Variants in FRG1 observed in about 807,000 individuals in gnomAD.
The protein encoded by FRG1 is protein FRG1.
Under a neutral mutation model 37.0 loss-of-function variants are expected in FRG1, and 19 were observed. The ratio of observed to expected loss-of-function variants is 0.51; its 90% CI spans 0.36 to 0.75. The LOEUF is 0.75. Ranked by LOEUF, FRG1 falls within the 30% of genes least tolerant of loss-of-function variation. FRG1 has a pLI of 0.00. For synonymous variants in FRG1, 73 were observed against 96.5 expected, an observed-to-expected ratio of 0.76 and a Z score of 1.43; for missense variants, 243 against 301.4, an observed-to-expected ratio of 0.81 and a Z score of 1.44.
intron 6 of FRG1, among the ~76,000 whole-genome samples, chr4:189,958,739 T>C (rs1159365049): frequency 6.6e-6 from 1 of 152,020 alleles, no homozygotes; most frequent in Non-Finnish European, 1.5e-5. Context: ...CCTAGATAAA[T>C]CAAGTAGTTA....
chr4:189,944,191 T>C (rs1254440443), intron 2 of FRG1, among the ~76,000 whole-genome samples: 3 of 152,160 alleles, frequency 2.0e-5, no homozygotes, highest in Non-Finnish European at 4.4e-5. Flanking sequence ...AGCAGCTTTT[T>C]TTTGAGACAA....
At position 189,952,274 on chromosome 4, in the gene FRG1, T is replaced by C; in HGVS notation, c.246T>C (p.Ala82=). ...ALDNGLFTLG[A]PHKEVDEGPS... ...ACAATGGTCTTTTTACCCTGGGAGC[T>C]CCACACAAAGAAGGTTTGTGTCTGG... The change falls in exon 3 of 9, where the codon GCT becomes GCC. Residue 82 remains alanine (A), a synonymous_variant. Transcript: ENST00000226798. 1 of 1,610,932 alleles carries C rather than the reference T, an allele frequency of 6.2e-7. No homozygotes were observed. The highest frequency in any genetic ancestry group is 8.5e-7 in the Non-Finnish European group (1 of 1,179,282).
chr4:189,947,409 T>C (rs1202097185), intron 2 of FRG1, among the ~76,000 whole-genome samples: 4 of 152,236 alleles, frequency 2.6e-5, no homozygotes, highest in Non-Finnish European at 5.9e-5. Context: ...TTCTGTTAAA[T>C]GTCTTGATGC....
At chr4:189,961,655 G>T in intron 7 of FRG1, 167 bp from the exon 8 acceptor site, 1 of 468,414 alleles carries the variant, frequency 2.1e-6, no homozygotes, top group Non-Finnish European at 3.8e-6. Flanking sequence ...CGATGTGCCT[G>T]CCTTGGCCTC....
At chr4:189,954,362 T>A (rs950433728) in intron 4 of FRG1, among the ~76,000 whole-genome samples, 2 of 151,512 alleles carry the variant, frequency 1.3e-5, no homozygotes, top group Non-Finnish European at 2.9e-5. Context: ...AAAGCAGTTT[T>A]ATGTACAGAA....
At chr4:189,945,438 T>C (rs1736486322) in intron 2 of FRG1, among the ~76,000 whole-genome samples, 2 of 152,220 alleles carry the variant, frequency 1.3e-5, no homozygotes, top group African/African-American at 4.8e-5. Flanking sequence ...AAAACTTTGT[T>C]TCTTGGGAGT....
chr4:189,957,332 C>T (rs184174635), intron 5 of FRG1, 66 bp from the exon 6 acceptor site: 1 of 1,534,170 alleles, frequency 6.5e-7, no homozygotes, highest in African/African-American at 1.4e-5. Context: ...TTAATTCAGT[C>T]TAAACACTTA....
intron 3 of FRG1, among the ~76,000 whole-genome samples, chr4:189,952,818 A>G (rs1243700171): frequency 6.6e-6 from 1 of 152,244 alleles, no homozygotes; most frequent in Non-Finnish European, 1.5e-5. Flanking sequence ...CATAAAGAGA[A>G]GCTATCTCAA....
At chr4:189,951,272 G>C (rs1026730772) in intron 2 of FRG1, among the ~76,000 whole-genome samples, 1 of 151,954 alleles carries the variant, frequency 6.6e-6, no homozygotes. Flanking sequence ...GGTGGATCAC[G>C]AGGTCGGGAG....
rs1222959111 is a variant in FRG1, at chr4:189,960,999, TC to T, written c.629+161del. 9 of 715,480 alleles carry T rather than the reference TC, an allele frequency of 1.3e-5. No homozygotes were observed. In the African/African-American group the frequency reaches 1.6e-4, roughly 13 times the overall value. 44.3% of individuals were successfully genotyped at this position (715,480 alleles called of 1,614,324 possible). The stretch of plus-strand genomic sequence containing the variant: ...AGGAGGATTGTTTGAGCCCAGGAGT[TC>T]AAGGCTGCAGTGAGCTCTGATCACC... On this transcript the variant is annotated intron_variant, in intron 7 of 8. Transcript: ENST00000226798.
At chr4:189,954,701 C>T (rs1736904819) in intron 4 of FRG1, among the ~76,000 whole-genome samples, 1 of 151,310 alleles carries the variant, frequency 6.6e-6, no homozygotes, top group East Asian at 2.0e-4. Context: ...CTCAAGCAAT[C>T]CTCCTGCGTC....
chr4:189,951,737 C>T (rs1243900155), intron 2 of FRG1, among the ~76,000 whole-genome samples: 2 of 152,074 alleles, frequency 1.3e-5, no homozygotes, highest in African/African-American at 2.4e-5. Flanking sequence ...ATGATCATAG[C>T]TCACTATAAC....
chr4:189,948,659 A>G (rs1474569990), intron 2 of FRG1, among the ~76,000 whole-genome samples: 6 of 152,106 alleles, frequency 3.9e-5, no homozygotes, highest in African/African-American at 1.2e-4. Flanking sequence ...GTACTATCTT[A>G]TCAGCCATGA....
chr4:189,951,984 T>C (rs1225126594), intron 2 of FRG1, among the ~76,000 whole-genome samples, 178 bp from the exon 3 acceptor site: 2 of 152,214 alleles, frequency 1.3e-5, no homozygotes, highest in Non-Finnish European at 2.9e-5. Context: ...ATTCTGACAG[T>C]GTATGATACT....
intron 6 of FRG1, among the ~76,000 whole-genome samples, chr4:189,958,064 G>A (rs1361681136): frequency 1.3e-5 from 2 of 150,596 alleles, no homozygotes; most frequent in Non-Finnish European, 3.0e-5. Context: ...CCTTAAAATT[G>A]TATCTTGGAG....
Position 189,959,194 on chromosome 4 carries a change from T to G in FRG1, c.538-1554T>G, listed in dbSNP as rs188734192. 2.2e-3 allele frequency among the ~76,000 whole-genome samples: 331 copies of G among 152,364 alleles called. 4 individuals are homozygous for G. Among genetic ancestry groups the G allele is most frequent in the Middle Eastern group, 3.4e-3 (1 of 294 alleles). ...ATTTTCTTTTTAGAATAGTCTTGAT[T>G]TCAAATAATTTCAAATCTAAAGCTC... On this transcript the variant is annotated intron_variant, in intron 6 of 8. Transcript: ENST00000226798.
intron 2 of FRG1, 60 bp downstream of exon 2, chr4:189,943,332 A>G (rs982427739): frequency 3.9e-6 from 6 of 1,555,742 alleles, no homozygotes; most frequent in African/African-American, 1.4e-5. Context: ...GATCTCCTTG[A>G]AAGTGTTTTC....
intron 2 of FRG1, among the ~76,000 whole-genome samples, chr4:189,947,419 C>T (rs1267189561): frequency 1.3e-5 from 2 of 152,206 alleles, no homozygotes; most frequent in Non-Finnish European, 2.9e-5. Context: ...TGTCTTGATG[C>T]CTAGTCAAAT....
In FRG1 at chr4:189,953,739, G is replaced by T. The variant is rs143644446; in HGVS notation, c.317+614G>T. Among the ~76,000 whole-genome samples, 620 of 151,462 alleles carry T rather than the reference G, an allele frequency of 4.1e-3. 4 individuals are homozygous for T. The highest frequency in any genetic ancestry group is 0.014 in the African/African-American group (593 of 41,228). On this transcript the variant is annotated intron_variant, in intron 4 of 8. Transcript: ENST00000226798. ...AATTCTGGCATCCCAGGAGATTCTCGGTAAGGTAAAAGATTAGAAATCATA... is the reference window on the plus strand; with the variant it reads ...AATTCTGGCATCCCAGGAGATTCTCTGTAAGGTAAAAGATTAGAAATCATA...
Sources: gnomAD v4.1 joint callset for allele counts (sites outside exome capture counted in the v4.1 genomes callset) on GRCh38, gnomAD v4.1.1 for gene constraint, MANE v1.5 for transcripts, NCBI Gene and HGNC (gene_info 2026-07-23, HGNC 2026-07-21) for gene names.